Variants in SCN2A observed in about 807,000 individuals in gnomAD.
SCN2A encodes the protein sodium voltage-gated channel alpha subunit 2.
SCN2A carries 20 observed loss-of-function variants against 188.7 expected under a neutral mutation model. That is an observed-to-expected ratio of 0.11 (90% CI 0.07 to 0.15). The LOEUF (loss-of-function observed/expected upper bound fraction) is 0.15. SCN2A is among the 10% of genes least tolerant of loss of function. SCN2A has a pLI of 1.00. For synonymous variants in SCN2A, 804 were observed against 833.1 expected (o/e 0.97, Z 0.60); for missense variants, 1,278 against 2,445.0 (o/e 0.52, Z 10.07).
At position 165,308,672 on chromosome 2, in the gene SCN2A, C is replaced by G. The variant is rs758716629; in HGVS notation, c.483C>G (p.Thr161=). The part of the protein sequence containing the change: ...PPDWTKNVEY[T]FTGIYTFESL... ...CTTGGCTATTTTCTCTCAGGTATAC[C>G]TTTACAGGAATTTATACTTTTGAAT... The change falls in exon 5 of 27, where the codon ACC becomes ACG. Residue 161 remains threonine (T), a synonymous_variant. Coordinates refer to ENST00000375437, the MANE Select transcript of SCN2A (RefSeq NM_001040142.2). 18 of 1,611,228 alleles carry G rather than the reference C, an allele frequency of 1.1e-5. No individual in the cohort carries two copies. The highest frequency in any genetic ancestry group is 1.7e-5 in the Admixed American group (1 of 59,938).
intron 1 of SCN2A, chr2:165,267,028 T>A (rs1193412862): frequency 6.6e-6 from 1 of 151,974 alleles, no homozygotes; most frequent in Non-Finnish European, 1.5e-5. Context: ...AAGAAAGATA[T>A]CCCGTGTTAA....
chr2:165,319,709 C>G (rs924659198), intron 11 of SCN2A, among the ~76,000 whole-genome samples: 3 of 152,054 alleles, frequency 2.0e-5, no homozygotes, highest in African/African-American at 4.8e-5. Context: ...GAAGTTTCTC[C>G]CCATATAACC....
At chr2:165,262,930 C>A (rs960412682) in intron 1 of SCN2A, among the ~76,000 whole-genome samples, 4 of 151,996 alleles carry the variant, frequency 2.6e-5, no homozygotes, top group African/African-American at 4.8e-5. Flanking sequence ...TTGATTGTAT[C>A]AATTGTTGCA....
chr2:165,366,421 C>G (rs374318175), intron 18 of SCN2A, among the ~76,000 whole-genome samples: 1 of 152,074 alleles, frequency 6.6e-6, no homozygotes, highest in African/African-American at 2.4e-5. Flanking sequence ...AGATTTAAAG[C>G]AAACGAAGTA....
intron 20 of SCN2A, 139 bp downstream of exon 20, chr2:165,370,438 G>T: frequency 1.1e-6 from 1 of 886,508 alleles, no homozygotes. Flanking sequence ...ACAGTGAGAG[G>T]ATGCCTCAAA....
intron 1 of SCN2A, among the ~76,000 whole-genome samples, chr2:165,241,381 C>CA (rs1559310385): frequency 6.6e-6 from 1 of 152,054 alleles, no homozygotes; most frequent in African/African-American, 2.4e-5. Flanking sequence ...TGTGGATGGC[C>CA]ACATGGCTTT....
At chr2:165,279,110 G>A (rs1358110968) in intron 1 of SCN2A, among the ~76,000 whole-genome samples, 3 of 152,118 alleles carry the variant, frequency 2.0e-5, no homozygotes, top group South Asian at 2.1e-4. Context: ...AGGTCACTGA[G>A]TTGCTAAATG....
chr2:165,316,303 A>T (rs1697746098), intron 11 of SCN2A, among the ~76,000 whole-genome samples: 2 of 152,204 alleles, frequency 1.3e-5, no homozygotes, highest in South Asian at 4.1e-4. Flanking sequence ...CACGAAATAA[A>T]AAGTGGTGTT....
Position 165,283,125 on chromosome 2 carries a change from G to T in SCN2A, c.-51-12648G>T, listed in dbSNP as rs1159670596. 9.2e-5 allele frequency among the ~76,000 whole-genome samples: 14 copies of T among 152,182 alleles called. 1 individual carries two copies. In the South Asian group the frequency reaches 2.9e-3, roughly 32 times the overall value. Reference sequence around the variant, plus strand: ...CAAAGATCATAAATTAAAGGAAAGGGAGTGAAACAACTAAGTCAGGAAAAA... The same window carrying T: ...CAAAGATCATAAATTAAAGGAAAGGTAGTGAAACAACTAAGTCAGGAAAAA... On this transcript the variant is annotated intron_variant, in intron 1 of 26. Transcript: ENST00000375437.
chr2:165,288,018 TTA>T (rs1288520016), intron 1 of SCN2A, among the ~76,000 whole-genome samples: 2 of 152,234 alleles, frequency 1.3e-5, no homozygotes, highest in Non-Finnish European at 2.9e-5. Context: ...TTAAAATTTG[TTA>T]TTCCTTAACT....
intron 18 of SCN2A, among the ~76,000 whole-genome samples, chr2:165,365,851 G>A (rs1310264432): frequency 6.6e-6 from 1 of 152,104 alleles, no homozygotes; most frequent in East Asian, 1.9e-4. Context: ...ATATGTCACT[G>A]GAGTAATCGC....
At chr2:165,307,642 A>G (rs1010444248) in intron 3 of SCN2A, among the ~76,000 whole-genome samples, 2 of 152,082 alleles carry the variant, frequency 1.3e-5, no homozygotes. Flanking sequence ...ATAGCCTCAA[A>G]ATAGTTGATG....
intron 14 of SCN2A, among the ~76,000 whole-genome samples, chr2:165,339,363 T>C (rs762901664): frequency 5.3e-5 from 8 of 152,222 alleles, no homozygotes; most frequent in African/African-American, 1.7e-4. Flanking sequence ...ATGTCTATTT[T>C]TACCATTTTT....
chr2:165,327,904 C>G (rs958040384), intron 13 of SCN2A: 5 of 152,186 alleles, frequency 3.3e-5, no homozygotes, highest in East Asian at 1.9e-4. Flanking sequence ...TTCTATCCCC[C>G]TTCCTTGCCC....
intron 14 of SCN2A, among the ~76,000 whole-genome samples, chr2:165,335,675 C>T (rs1034132510): frequency 1.1e-4 from 17 of 151,648 alleles, no homozygotes; most frequent in African/African-American, 4.1e-4. Context: ...ATCTTCATGA[C>T]CTATTATTAA....
chr2:165,283,640 G>A (rs1695685610), intron 1 of SCN2A, among the ~76,000 whole-genome samples: 1 of 152,206 alleles, frequency 6.6e-6, no homozygotes, highest in Admixed American at 6.5e-5. Flanking sequence ...TCTAATAGCA[G>A]TGGACCTGTG....
chr2:165,351,490 G>A (rs766344940), intron 16 of SCN2A, among the ~76,000 whole-genome samples: 1 of 151,832 alleles, frequency 6.6e-6, no homozygotes, highest in African/African-American at 2.4e-5. Context: ...AGGAAGTATC[G>A]GTAAGAGTAA....
rs532628336 is a variant in SCN2A at position 165,375,091 on chromosome 2, C to T, written c.4254+125C>T. On this transcript the variant is annotated intron_variant, in intron 22 of 26. Transcript: ENST00000375437. ...TCAAACAGATAAATGACAATAAATG[C>T]TGGCAAGAATGTGAAGAAAAGGGAA... is the stretch of plus-strand genomic sequence containing the variant. 8.5e-4 allele frequency: 728 copies of T among 859,998 alleles called. 12 individuals are homozygous for T. The South Asian group carries it at 0.01, about 12-fold the overall frequency. 53.3% of individuals were successfully genotyped at this position (859,998 alleles called of 1,614,324 possible). A position where few individuals can be genotyped will look rare whatever the true frequency, so the allele number is the denominator to read the frequency against.
chr2:165,284,449 G>A (rs10930157), intron 1 of SCN2A, among the ~76,000 whole-genome samples: 18,407 of 152,064 alleles, frequency 0.12, 1,471 homozygotes, highest in East Asian at 0.35. Context: ...GTTTACAGGC[G>A]TGAGCCACTG....
Sources: gnomAD v4.1 joint callset for allele counts (sites outside exome capture counted in the v4.1 genomes callset) on GRCh38, gnomAD v4.1.1 for gene constraint, MANE v1.5 for transcripts, NCBI Gene and HGNC (gene_info 2026-07-23, HGNC 2026-07-21) for gene names.